Variants in LCOR observed in about 807,000 individuals in gnomAD.
LCOR encodes the protein ligand dependent nuclear receptor corepressor.
In LCOR, 14 loss-of-function variants were observed where a neutral mutation model predicts 64.4. The observed-to-expected ratio is 0.22, with a 90% CI of 0.14 to 0.34. The LOEUF (loss-of-function observed/expected upper bound fraction) is 0.34. Ranked by LOEUF, LCOR falls within the 10% of genes least tolerant of loss-of-function variation. The pLI is 1.00. For synonymous variants in LCOR, 643 were observed against 642.5 expected, an observed-to-expected ratio of 1.00 and a Z score of -0.01; for missense variants, 1,686 against 1,765.3, an observed-to-expected ratio of 0.96 and a Z score of 0.80.
At chr10:96,948,093 C>T (rs1387544332) in intron 5 of LCOR, among the ~76,000 whole-genome samples, 1 of 152,040 alleles carries the variant, frequency 6.6e-6, no homozygotes, top group African/African-American at 2.4e-5. Context: ...AGTCATTTTC[C>T]CTTTCATCTT....
intron 1 of LCOR, chr10:96,832,949 G>C (rs913983592): frequency 8.9e-5 from 87 of 977,864 alleles, no homozygotes; most frequent in Non-Finnish European, 1.0e-4. Flanking sequence ...CCCGGCGCTC[G>C]GGCGTGTGCG....
chr10:96,870,092 T>C (rs552536000), intron 2 of LCOR, among the ~76,000 whole-genome samples: 88 of 152,148 alleles, frequency 5.8e-4, no homozygotes, highest in African/African-American at 2.1e-3. Flanking sequence ...TCTCACTCTG[T>C]CGCCCAGGCT....
intron 2 of LCOR, among the ~76,000 whole-genome samples, chr10:96,895,967 A>C (rs977787059): frequency 1.3e-5 from 2 of 152,174 alleles, no homozygotes; most frequent in African/African-American, 4.8e-5. Flanking sequence ...CTGTAGTCCA[A>C]GCTGCTCAGG....
At position 96,943,734 on chromosome 10, in the gene LCOR, AT is replaced by A. The variant is rs200048149; in HGVS notation, c.-183-369del. Among the ~76,000 whole-genome samples the A allele has an allele frequency of 1.0e-3, 152 of 148,988 alleles. 1 individual carries two copies. The highest frequency in any genetic ancestry group is 3.6e-3 in the African/African-American group (144 of 40,088). On this transcript the variant is annotated intron_variant, in intron 4 of 7. Coordinates refer to ENST00000421806, the MANE Select transcript of LCOR (RefSeq NM_001346516.2). ...AAATGAGATTTGGAATTCAAAAAAAATTTTTTTTTTGGTAAATTAAAAAAAA... is the reference window on the plus strand; with the variant it reads ...AAATGAGATTTGGAATTCAAAAAAAATTTTTTTTTGGTAAATTAAAAAAAA...
rs558669455 is a variant in LCOR at position 96,891,982 on chromosome 10, T to C, written c.-329-15283T>C. 2.6e-5 allele frequency among the ~76,000 whole-genome samples: 4 copies of C among 152,348 alleles called. No individual in the cohort carries two copies. The South Asian group carries it at 8.3e-4, about 32-fold the overall frequency. ...AAGATACTTTGTGTGATTTCAGTCT[T>C]TTGAAATTTACGGCAAGTTTTTTTG... On this transcript the variant is annotated intron_variant, in intron 2 of 7. Transcript: ENST00000421806.
intron 4 of LCOR, among the ~76,000 whole-genome samples, chr10:96,920,845 T>C (rs888148713): frequency 1.3e-5 from 2 of 151,524 alleles, no homozygotes; most frequent in Non-Finnish European, 2.9e-5. Context: ...TTGCCCAGGC[T>C]GGAGTACAAT....
chr10:96,936,689 A>G (rs1477311365), intron 4 of LCOR, among the ~76,000 whole-genome samples: 1 of 152,206 alleles, frequency 6.6e-6, no homozygotes, highest in Admixed American at 6.5e-5. Flanking sequence ...GAATAAATCT[A>G]TGATGCAGAT....
At position 96,982,024 on chromosome 10, in the gene LCOR, A is replaced by G. The variant is rs1163633248; in HGVS notation, c.1564A>G (p.Asn522Asp). 3.1e-6 allele frequency: 5 copies of G among 1,613,960 alleles called. No individual in the cohort carries two copies. The highest frequency in any genetic ancestry group is 4.2e-6 in the Non-Finnish European group (5 of 1,180,034). The change falls in exon 8 of 8, where the codon AAT becomes GAT. Residue 522 changes from asparagine to aspartate, a missense_variant. Transcript: ENST00000421806. ...ELPTVRTLAR[N>D]LHSQEKASCS... ...GCCAACTGTTCGTACACTGGCCAGA[A>G]ATTTACACTCCCAGGAAAAAGCAAG...
chr10:96,846,269 A>G (rs1411654055), intron 2 of LCOR, among the ~76,000 whole-genome samples: 4 of 151,846 alleles, frequency 2.6e-5, no homozygotes. Context: ...TCTTTTTTTA[A>G]ATTAAGACAG....
chr10:96,859,045 G>A (rs1325837548), intron 2 of LCOR, among the ~76,000 whole-genome samples: 3 of 152,190 alleles, frequency 2.0e-5, no homozygotes, highest in Non-Finnish European at 2.9e-5. Flanking sequence ...CCCAACTCAG[G>A]TTAGTTTAAG....
At chr10:96,846,577 A>C (rs1845633520) in intron 2 of LCOR, among the ~76,000 whole-genome samples, 1 of 152,332 alleles carries the variant, frequency 6.6e-6, no homozygotes, top group Admixed American at 6.5e-5. Context: ...AAACAAAACA[A>C]ATCAAAATAA....
intron 2 of LCOR, among the ~76,000 whole-genome samples, chr10:96,836,400 A>C (rs377204133): frequency 1.6e-4 from 24 of 152,222 alleles, no homozygotes; most frequent in African/African-American, 5.8e-4. Flanking sequence ...GCCACTTCAG[A>C]GTACCTGCCT....
Position 96,837,729 on chromosome 10 carries a change from A to G in LCOR, c.-330+4250A>G, listed in dbSNP as rs928073798. 4.6e-5 allele frequency among the ~76,000 whole-genome samples: 7 copies of G among 152,326 alleles called. No homozygotes were observed. The South Asian group carries it at 1.4e-3, about 32-fold the overall frequency. ...CTTGGAAGTTGGAGTTGGTATTTGG[A>G]AAGAGTCAAAAAGTATTTGCTGTGA... On this transcript the variant is annotated intron_variant, in intron 2 of 7. Transcript: ENST00000421806.
rs41297171 is a variant in LCOR at position 96,907,546 on chromosome 10, T to A, written c.-263-122T>A. 56 of 298,558 alleles carry A rather than the reference T, an allele frequency of 1.9e-4. No homozygotes were observed. In the Middle Eastern group the frequency reaches 4.9e-3, roughly 26 times the overall value. The allele number at this position is 298,558 out of a possible 1,614,324, so 18.5% of individuals were successfully genotyped here. A position where few individuals can be genotyped will look rare whatever the true frequency, so the allele number is the denominator to read the frequency against. On this transcript the variant is annotated intron_variant, in intron 3 of 7. Transcript: ENST00000421806. ...AGACTTAAGAATTTAAGAGTTAAAA[T>A]TTTTAAGACAAATATGGCCTAACTA... is the stretch of plus-strand genomic sequence containing the variant.
rs1204484447 is a variant in LCOR at position 96,965,649 on chromosome 10, G to A, written c.332+13453G>A. On this transcript the variant is annotated intron_variant, in intron 7 of 7. Transcript: ENST00000421806. ...TGCACTCCAGCCTGGGCGACAGAGC[G>A]AGACTCTGTCTCAAAAAAAAAAAAA... Among the ~76,000 whole-genome samples, 7 of 129,204 alleles carry A rather than the reference G, an allele frequency of 5.4e-5. No individual in the cohort carries two copies. In the South Asian group the frequency reaches 8.1e-4, roughly 15 times the overall value. 84.8% of individuals were successfully genotyped at this position (129,204 alleles called of 152,430 possible).
At chr10:96,848,285 C>G (rs1472032763) in intron 2 of LCOR, among the ~76,000 whole-genome samples, 1 of 152,178 alleles carries the variant, frequency 6.6e-6, no homozygotes, top group African/African-American at 2.4e-5. Context: ...GACTCAGGAA[C>G]AGAAGTATAA....
At chr10:96,941,110 G>A (rs867611458) in intron 4 of LCOR, among the ~76,000 whole-genome samples, 1 of 133,420 alleles carries the variant, frequency 7.5e-6, no homozygotes, top group Non-Finnish European at 1.6e-5. Flanking sequence ...CGGGCAGAGG[G>A]GCTCCTCACT....
At chr10:96,895,127 C>T (rs1846515172) in intron 2 of LCOR, among the ~76,000 whole-genome samples, 1 of 152,200 alleles carries the variant, frequency 6.6e-6, no homozygotes, top group Admixed American at 6.5e-5. Context: ...TGCCCCATCT[C>T]AGTGTCTCCC....
chr10:96,849,110 A>G (rs1380931557), intron 2 of LCOR, among the ~76,000 whole-genome samples: 9 of 110,260 alleles, frequency 8.2e-5, no homozygotes, highest in Admixed American at 4.5e-4. Context: ...GTCTCCCTCT[A>G]TAGCCGAGGC....
Sources: gnomAD v4.1 joint callset for allele counts (sites outside exome capture counted in the v4.1 genomes callset) on GRCh38, gnomAD v4.1.1 for gene constraint, MANE v1.5 for transcripts, NCBI Gene and HGNC (gene_info 2026-07-23, HGNC 2026-07-21) for gene names.